Variants in CAMK2B observed in about 807,000 individuals in gnomAD.
The protein encoded by CAMK2B is calcium/calmodulin dependent protein kinase II beta, also known as calcium/calmodulin-dependent protein kinase type II subunit beta.
A neutral mutation model predicts 93.7 loss-of-function variants in CAMK2B; 27 were observed. The observed-to-expected ratio is 0.29, with a 90% CI of 0.21 to 0.40. The LOEUF (loss-of-function observed/expected upper bound fraction) is 0.40. CAMK2B is among the 10% of genes least tolerant of loss of function. The pLI is 1.00. For synonymous variants in CAMK2B, 374 were observed against 358.8 expected (o/e 1.04, Z -0.48); for missense variants, 568 against 895.8 (o/e 0.63, Z 4.67).
At chr7:44,313,720 C>T (rs534926880) in intron 1 of CAMK2B, among the ~76,000 whole-genome samples, 1 of 146,180 alleles carries the variant, frequency 6.8e-6, no homozygotes, top group Admixed American at 7.0e-5. Context: ...CCAGGCCCAG[C>T]TTATGTGAGG....
At chr7:44,229,715 C>T (rs1189521677) in intron 17 of CAMK2B, 12 of 448,664 alleles carry the variant, frequency 2.7e-5, no homozygotes, top group East Asian at 1.1e-4. Flanking sequence ...AACACGGGAC[C>T]GGTGCCAGAG....
At position 44,295,250 on chromosome 7, in the gene CAMK2B, T is replaced by G. The variant is rs559953669; in HGVS notation, c.66-11025A>C. Reference sequence around the variant, plus strand: ...ATGTAAAAAGCAAAGCTTAAAACATTGGTCTAGCATGTGAGAAGCTTGGAA... The same window carrying G: ...ATGTAAAAAGCAAAGCTTAAAACATGGGTCTAGCATGTGAGAAGCTTGGAA... On this transcript the variant is annotated intron_variant, in intron 1 of 23. Coordinates refer to ENST00000395749, the MANE Select transcript of CAMK2B (RefSeq NM_001220.5). 9.8e-5 allele frequency among the ~76,000 whole-genome samples: 15 copies of G among 152,348 alleles called. No individual in the cohort carries two copies. In the South Asian group the frequency reaches 3.1e-3, roughly 32 times the overall value.
At chr7:44,278,140 G>T (rs1044968461) in intron 2 of CAMK2B, among the ~76,000 whole-genome samples, 3 of 152,200 alleles carry the variant, frequency 2.0e-5, no homozygotes, top group African/African-American at 7.2e-5. Flanking sequence ...GTGGCAGGCT[G>T]CCCGTGGGAC....
intron 8 of CAMK2B, 66 bp downstream of exon 8, chr7:44,243,184 G>A (rs1481852887): frequency 1.3e-5 from 16 of 1,216,000 alleles, no homozygotes; most frequent in Non-Finnish European, 1.8e-5. Flanking sequence ...GCACACTCCA[G>A]GATGTAGGTG....
In CAMK2B at chr7:44,290,066, C is replaced by T. The variant is rs578210504; in HGVS notation, c.66-5841G>A. On this transcript the variant is annotated intron_variant, in intron 1 of 23. Transcript: ENST00000395749. ...GCATGCGCACACACACATGTGCACTCTCCTCACTCAGATGTTGCAGAATAG... is the reference window on the plus strand; with the variant it reads ...GCATGCGCACACACACATGTGCACTTTCCTCACTCAGATGTTGCAGAATAG... Among the ~76,000 whole-genome samples, 185 of 152,334 alleles carry T rather than the reference C, an allele frequency of 1.2e-3. 2 individuals are homozygous for T. The highest frequency in any genetic ancestry group is 4.2e-3 in the African/African-American group (176 of 41,578).
chr7:44,234,516 T>G, intron 14 of CAMK2B, 55 bp from the exon 15 acceptor site: 1 of 1,582,368 alleles, frequency 6.3e-7, no homozygotes, highest in Non-Finnish European at 8.6e-7. Flanking sequence ...CACTCGCCAT[T>G]CCCTGTCCCG....
At chr7:44,252,821 G>A (rs2096792589) in intron 5 of CAMK2B, among the ~76,000 whole-genome samples, 1 of 152,212 alleles carries the variant, frequency 6.6e-6, no homozygotes, top group Non-Finnish European at 1.5e-5. Flanking sequence ...ACAGGGCTCC[G>A]TTCCACTTTC....
rs1300070258 is a variant in CAMK2B at position 44,263,081 on chromosome 7, A to G, written c.161-17T>C. 6.2e-7 allele frequency: 1 copy of G among 1,612,360 alleles called. No individual in the cohort carries two copies. Among genetic ancestry groups the G allele is most frequent in the Non-Finnish European group, 8.5e-7 (1 of 1,179,092 alleles). On this transcript the variant is annotated splice_polypyrimidine_tract_variant and intron_variant, in intron 2 of 23. Transcript: ENST00000395749. The stretch of plus-strand genomic sequence containing the variant: ...TCTGGTGATCTGGGGGACAGGAAAA[A>G]CAAGGCGTCACCTCCTGCGCCAGCA...
At chr7:44,291,232 G>A (rs982572949) in intron 1 of CAMK2B, among the ~76,000 whole-genome samples, 3 of 152,282 alleles carry the variant, frequency 2.0e-5, no homozygotes, top group Middle Eastern at 3.4e-3. Context: ...AGAGTGTTGG[G>A]GTTCCGCCAA....
intron 2 of CAMK2B, among the ~76,000 whole-genome samples, chr7:44,275,142 C>G (rs1034306934): frequency 2.0e-5 from 3 of 152,222 alleles, no homozygotes; most frequent in African/African-American, 7.2e-5. Flanking sequence ...CCCCTCCCTC[C>G]CTTCCCTGGC....
At chr7:44,223,712 G>T (rs2128874845) in intron 20 of CAMK2B, among the ~76,000 whole-genome samples, 1 of 151,990 alleles carries the variant, frequency 6.6e-6, no homozygotes, top group African/African-American at 2.4e-5. Flanking sequence ...CCAAGCTTCA[G>T]GTCTGACCTC....
At chr7:44,220,995 G>A (rs1259089611) in intron 20 of CAMK2B, 94 bp from the exon 21 acceptor site, 22 of 1,026,578 alleles carry the variant, frequency 2.1e-5, no homozygotes, top group Non-Finnish European at 2.6e-5. Context: ...GGGAGCGCGA[G>A]CTGCATCCAT....
intron 19 of CAMK2B, among the ~76,000 whole-genome samples, chr7:44,228,338 G>A (rs1399711137): frequency 2.6e-5 from 4 of 152,096 alleles, no homozygotes; most frequent in African/African-American, 9.7e-5. Context: ...CTAGACTGAG[G>A]GAGGGTGCTC....
rs764480121 is a variant in CAMK2B, at chr7:44,241,890, C to A, written c.820-107G>T. 7.0e-6 allele frequency: 6 copies of A among 853,032 alleles called. No homozygotes were observed. In the East Asian group the frequency reaches 1.5e-4, roughly 21 times the overall value. The allele number at this position is 853,032 out of a possible 1,614,324, so 52.8% of individuals were successfully genotyped here. On this transcript the variant is annotated intron_variant, in intron 10 of 23. Coordinates refer to ENST00000395749, the MANE Select transcript of CAMK2B (RefSeq NM_001220.5). ...GGGGTCCCCACTTGCCAAGAGCCAC[C>A]GGCCACCATTGCGGCAAGGGTTGTC... is the stretch of plus-strand genomic sequence containing the variant.
chr7:44,301,538 A>G (rs1190768538), intron 1 of CAMK2B, among the ~76,000 whole-genome samples: 3 of 152,220 alleles, frequency 2.0e-5, no homozygotes, highest in Non-Finnish European at 2.9e-5. Flanking sequence ...GCACTTTGGG[A>G]GGCCGAGGTG....
intron 10 of CAMK2B, 94 bp from the exon 11 acceptor site, chr7:44,241,877 T>G: frequency 1.1e-6 from 1 of 942,402 alleles, no homozygotes. Context: ...GGTCCCCACT[T>G]GCCAAGAGCC....
At chr7:44,234,326 AGCG>A in intron 15 of CAMK2B, 61 bp downstream of exon 15, 1 of 1,402,124 alleles carries the variant, frequency 7.1e-7, no homozygotes, top group Non-Finnish European at 9.5e-7. Context: ...CCCTCTGACC[AGCG>A]GCAATCACAC....
In CAMK2B at chr7:44,238,698, C is replaced by T. The variant is rs149636252; in HGVS notation, c.1021+891G>A. Among the ~76,000 whole-genome samples, 96 of 152,358 alleles carry T rather than the reference C, an allele frequency of 6.3e-4. 2 individuals carry two copies. In the East Asian group the frequency reaches 0.017, roughly 27 times the overall value. ...GAACCTCTGCCGGGTCCCCAGCCCA[C>T]GTTGGAGGCACCGACAGGGAACTCA... is the stretch of plus-strand genomic sequence containing the variant. On this transcript the variant is annotated intron_variant, in intron 13 of 23. Coordinates refer to ENST00000395749, the MANE Select transcript of CAMK2B (RefSeq NM_001220.5).
chr7:44,268,440 AGG>A (rs1230676484), intron 2 of CAMK2B, among the ~76,000 whole-genome samples: 1 of 152,176 alleles, frequency 6.6e-6, no homozygotes, highest in Non-Finnish European at 1.5e-5. Context: ...GAGGGGCTCA[AGG>A]GCCCAGGTGA....
Sources: allele counts gnomAD v4.1 joint callset (sites outside exome capture counted in the v4.1 genomes callset), GRCh38; gene constraint gnomAD v4.1.1; transcripts MANE v1.5; gene names NCBI Gene and HGNC (gene_info 2026-07-23, HGNC 2026-07-21).